ADAMTS9: variants seen among roughly 807,000 people sequenced by gnomAD.
ADAMTS9 encodes ADAM metallopeptidase with thrombospondin type 1 motif 9.
ADAMTS9 carries 107 observed loss-of-function variants against 257.1 expected under a neutral mutation model. That is an observed-to-expected ratio of 0.42 (90% CI 0.36 to 0.49). The LOEUF (loss-of-function observed/expected upper bound fraction) is 0.49. Ranked by LOEUF, ADAMTS9 falls within the 20% of genes least tolerant of loss-of-function variation. The pLI is 0.03. For synonymous variants in ADAMTS9, 982 were observed against 880.9 expected (o/e 1.11, Z -2.03); for missense variants, 2,353 against 2,469.1 (o/e 0.95, Z 1.00).
At chr3:64,580,275 T>C (rs2083964249) in intron 28 of ADAMTS9, among the ~76,000 whole-genome samples, 2 of 152,200 alleles carry the variant, frequency 1.3e-5, no homozygotes, top group African/African-American at 2.4e-5. Context: ...TCAGTGATCC[T>C]GATCAATTTT....
rs1173786572 is a variant in ADAMTS9 at position 64,556,754 on chromosome 3, C to CT, written c.4698+4823dup. ...CCTTCCTTCCTTCCTTCCTTCCTTC[C>CT]TCCCTCCCTTTCTTCCTTCCTCCTT... On this transcript the variant is annotated intron_variant, in intron 30 of 39. Coordinates refer to ENST00000498707, the MANE Select transcript of ADAMTS9 (RefSeq NM_182920.2). Among the ~76,000 whole-genome samples, 340 of 149,626 alleles carry CT rather than the reference C, an allele frequency of 2.3e-3. 5 individuals carry two copies. Among genetic ancestry groups the CT allele is most frequent in the Middle Eastern group, 3.4e-3 (1 of 294 alleles).
intron 39 of ADAMTS9, among the ~76,000 whole-genome samples, chr3:64,520,511 A>G (rs1213327818): frequency 1.3e-5 from 2 of 152,180 alleles, no homozygotes; most frequent in African/African-American, 4.8e-5. Context: ...GAACGAAGCC[A>G]GAGGTATCAT....
At chr3:64,606,809 G>A (rs979567743) in intron 23 of ADAMTS9, 151 bp downstream of exon 23, 1 of 911,422 alleles carries the variant, frequency 1.1e-6, no homozygotes, top group Non-Finnish European at 1.6e-6. Flanking sequence ...GATTATAAAT[G>A]TAACATACAG....
intron 3 of ADAMTS9, among the ~76,000 whole-genome samples, chr3:64,673,548 C>G (rs1391440742): frequency 6.6e-6 from 1 of 152,144 alleles, no homozygotes; most frequent in East Asian, 1.9e-4. Flanking sequence ...TAAGAGACAA[C>G]GATGAGTTGC....
At chr3:64,622,827 T>C (rs562619524) in intron 16 of ADAMTS9, among the ~76,000 whole-genome samples, 1 of 152,158 alleles carries the variant, frequency 6.6e-6, no homozygotes, top group Non-Finnish European at 1.5e-5. Context: ...TACTCCCTTG[T>C]GGTATCTGTG....
chr3:64,604,690 T>C (rs75900728), intron 23 of ADAMTS9, among the ~76,000 whole-genome samples: 3,314 of 152,366 alleles, frequency 0.022, 106 homozygotes, highest in African/African-American at 0.075. Flanking sequence ...TTTAAAACTC[T>C]GAAGGCCAAA....
chr3:64,616,283 T>C (rs956913241), intron 19 of ADAMTS9, 113 bp from the exon 20 acceptor site: 5 of 1,149,366 alleles, frequency 4.4e-6, no homozygotes, highest in Middle Eastern at 2.8e-4. Context: ...TTAACTCGAA[T>C]ACCATGAAGC....
chr3:64,570,567 G>T (rs1219962304), intron 28 of ADAMTS9, among the ~76,000 whole-genome samples: 1 of 151,882 alleles, frequency 6.6e-6, no homozygotes, highest in African/African-American at 2.4e-5. Flanking sequence ...AGTCACTCAG[G>T]AATGCTTAGG....
intron 28 of ADAMTS9, chr3:64,583,824 G>C (rs534277159): frequency 5.3e-5 from 8 of 152,100 alleles, no homozygotes; most frequent in African/African-American, 1.9e-4. Flanking sequence ...CTGAACATCC[G>C]CTCAATGAAG....
At chr3:64,644,394 G>T (rs1057339307) in intron 11 of ADAMTS9, among the ~76,000 whole-genome samples, 3 of 152,186 alleles carry the variant, frequency 2.0e-5, no homozygotes, top group Admixed American at 1.3e-4. Context: ...TGTGAGCAAA[G>T]GGGACAATTT....
chr3:64,550,749 G>C (rs1381440822), intron 31 of ADAMTS9, 143 bp downstream of exon 31: 8 of 995,192 alleles, frequency 8.0e-6, no homozygotes, highest in Non-Finnish European at 1.0e-5. Context: ...CTGAGGACTT[G>C]TCAGAAAACA....
Position 64,622,594 on chromosome 3 carries a change from T to C in ADAMTS9, c.2390-8A>G. The C allele has an allele frequency of 6.2e-7, 1 of 1,613,430 alleles. No homozygotes were observed. The highest frequency in any genetic ancestry group is 8.5e-7 in the Non-Finnish European group (1 of 1,179,724). On this transcript the variant is annotated splice_polypyrimidine_tract_variant and splice_region_variant and intron_variant, in intron 16 of 39. Coordinates refer to ENST00000498707, the MANE Select transcript of ADAMTS9 (RefSeq NM_182920.2). ...CTTTACTGCTTGATAAAGCTGTAGG[T>C]GAAGAAACAGAATAATACATTGATC...
intron 29 of ADAMTS9, 49 bp from the exon 30 acceptor site, chr3:64,561,800 G>C (rs780029734): frequency 1.1e-5 from 10 of 910,154 alleles, no homozygotes; most frequent in Middle Eastern, 2.4e-4. Flanking sequence ...TTTATTTTTT[G>C]GGGGGGCGGG....
intron 11 of ADAMTS9, among the ~76,000 whole-genome samples, chr3:64,647,596 C>G (rs1018108255): frequency 6.6e-6 from 1 of 152,200 alleles, no homozygotes; most frequent in Non-Finnish European, 1.5e-5. Context: ...TTTCCAGTGC[C>G]ATCCCCAAAA....
At chr3:64,530,674 G>A (rs975051884) in intron 38 of ADAMTS9, among the ~76,000 whole-genome samples, 32 of 152,122 alleles carry the variant, frequency 2.1e-4, no homozygotes, top group Middle Eastern at 6.8e-3. Flanking sequence ...ATTATTTTTA[G>A]TTTCTGGCTG....
chr3:64,684,329 AG>A (rs1477721262), intron 2 of ADAMTS9, among the ~76,000 whole-genome samples: 2 of 142,906 alleles, frequency 1.4e-5, no homozygotes, highest in African/African-American at 5.0e-5. Flanking sequence ...AGAGATGTTC[AG>A]GAGAGGCGGG....
intron 31 of ADAMTS9, among the ~76,000 whole-genome samples, chr3:64,548,088 G>A (rs949989804): frequency 1.3e-5 from 2 of 152,148 alleles, no homozygotes; most frequent in African/African-American, 4.8e-5. Context: ...TTTCTGGGGT[G>A]AGGGACCACA....
At chr3:64,521,292 A>C (rs192419893) in intron 39 of ADAMTS9, among the ~76,000 whole-genome samples, 201 of 152,332 alleles carry the variant, frequency 1.3e-3, no homozygotes, top group African/African-American at 4.1e-3. Context: ...AAAAGTAAAA[A>C]GATAACAGAT....
Position 64,622,216 on chromosome 3 carries a change from A to T in ADAMTS9, c.2668T>A (p.Cys890Ser). 1.2e-6 allele frequency: 2 copies of T among 1,613,836 alleles called. No homozygotes were observed. ...CAGATACCTTGGCAGGGTTTACTGCATGCTTGCCATGGCCCATGACTGTTC... is the reference window on the plus strand; with the variant it reads ...CAGATACCTTGGCAGGGTTTACTGCTTGCTTGCCATGGCCCATGACTGTTC... ...YWNSHGPWQA[C>S]SKPCQGERKR... The change falls in exon 18 of 40, where the codon TGC (cysteine) becomes AGC (serine). Residue 890 changes from cysteine (C) to serine (S), a missense_variant. Physicochemically the swap from Cys to Ser is moderately radical, Grantham distance 112. Coordinates refer to ENST00000498707, the MANE Select transcript of ADAMTS9 (RefSeq NM_182920.2).
Sources: gnomAD v4.1 joint callset for allele counts (sites outside exome capture counted in the v4.1 genomes callset) on GRCh38, gnomAD v4.1.1 for gene constraint, MANE v1.5 for transcripts, NCBI Gene and HGNC (gene_info 2026-07-23, HGNC 2026-07-21) for gene names.